Variants in RHBDF2 observed in about 807,000 individuals in gnomAD.
RHBDF2 encodes the protein inactive rhomboid protein 2.
In RHBDF2, 38 loss-of-function variants were observed where a neutral mutation model predicts 95.2. The ratio of observed to expected loss-of-function variants is 0.40; its 90% CI spans 0.31 to 0.52. The LOEUF (loss-of-function observed/expected upper bound fraction) is 0.52, where lower values mean the gene tolerates loss of function less well. RHBDF2 is among the 20% of genes least tolerant of loss of function. The pLI is 0.56. For synonymous variants in RHBDF2, 442 were observed against 462.0 expected, an observed-to-expected ratio of 0.96 and a Z score of 0.55; for missense variants, 863 against 1,137.7, an observed-to-expected ratio of 0.76 and a Z score of 3.47.
chr17:76,480,945 A>C (rs935300118), intron 3 of RHBDF2, among the ~76,000 whole-genome samples: 2 of 152,170 alleles, frequency 1.3e-5, no homozygotes, highest in Non-Finnish European at 2.9e-5. Context: ...TGTCAGAAAC[A>C]CTGATCTGTT....
intron 2 of RHBDF2, among the ~76,000 whole-genome samples, chr17:76,482,221 C>A (rs150304239): frequency 6.6e-6 from 1 of 152,034 alleles, no homozygotes; most frequent in Non-Finnish European, 1.5e-5. Context: ...AGGCCAGGGA[C>A]GGTGGCTCAC....
At chr17:76,473,494 A>G (rs185490799) in intron 15 of RHBDF2, among the ~76,000 whole-genome samples, 154 bp downstream of exon 15, 1 of 152,348 alleles carries the variant, frequency 6.6e-6, no homozygotes, top group Non-Finnish European at 1.5e-5. Context: ...AGCTCGCACC[A>G]TGGGTAGCCC....
At chr17:76,477,351 C>G in intron 7 of RHBDF2, 53 bp from the exon 8 acceptor site, 1 of 1,573,408 alleles carries the variant, frequency 6.4e-7, no homozygotes, top group Admixed American at 2.0e-5. Context: ...CAAACACTGC[C>G]CCCCGGAACC....
In RHBDF2 at chr17:76,474,435, A is replaced by G; in HGVS notation, c.1402T>C (p.Ser468Pro). The change falls in exon 12 of 19, where the codon TCA becomes CCA. Residue 468 changes from serine to proline, a missense_variant. Transcript: ENST00000675367. Reference protein sequence around the residue: ...VLRERDLERDSGCCVQNDHSG... With the variant: ...VLRERDLERDPGCCVQNDHSG... ...TGGTCATTCTGGACACAGCAGCCTG[A>G]GTCCCGCTCCAGGTCTCGCTCGCGC... is the stretch of plus-strand genomic sequence containing the variant. 1 of 1,613,978 alleles carries G rather than the reference A, an allele frequency of 6.2e-7. No individual in the cohort carries two copies. The highest frequency in any genetic ancestry group is 8.5e-7 in the Non-Finnish European group (1 of 1,179,954).
chr17:76,482,315 C>T (rs1202020910), intron 2 of RHBDF2, among the ~76,000 whole-genome samples: 3 of 151,790 alleles, frequency 2.0e-5, no homozygotes, highest in Non-Finnish European at 4.4e-5. Flanking sequence ...CCCAAGGCCA[C>T]CCAGTTTATT....
rs1392478937 is a variant in RHBDF2 at position 76,487,839 on chromosome 17, G to C, written c.-149C>G. On this transcript the variant is annotated 5_prime_UTR_variant, in exon 2 of 19. Transcript: ENST00000675367. ...GCCTCAGTCTGTGGAAGGGTGGCTG[G>C]ACAGACAGGTGGCTGGAAGGACAGA... The C allele has an allele frequency of 6.6e-6, 1 of 152,342 alleles. No homozygotes were observed. Among genetic ancestry groups the C allele is most frequent in the Non-Finnish European group, 1.5e-5 (1 of 68,190 alleles). 9.4% of individuals were successfully genotyped at this position (152,342 alleles called of 1,614,324 possible).
Position 76,478,917 on chromosome 17 carries a change from G to T in RHBDF2, c.561C>A (p.Val187=), listed in dbSNP as rs764411562. Reference sequence around the variant, plus strand: ...CACTGGTGAAGGAGGTGAGGGACAGGACTCCGGGGGTCAGCGGTGGGTGCG... The same window carrying T: ...CACTGGTGAAGGAGGTGAGGGACAGTACTCCGGGGGTCAGCGGTGGGTGCG... ...HAPHPPLTPG[V]LSLTSFTSVR... is the part of the protein sequence containing the mutation. The change falls in exon 6 of 19, where the codon GTC becomes GTA. Residue 187 remains valine, a synonymous_variant. Transcript: ENST00000675367. The T allele has an allele frequency of 1.7e-5, 28 of 1,608,450 alleles. No individual in the cohort carries two copies. Among genetic ancestry groups the T allele is most frequent in the Non-Finnish European group, 2.4e-5 (28 of 1,177,074 alleles).
Position 76,472,838 on chromosome 17 carries a change from C to A in RHBDF2, c.1912G>T (p.Val638Leu). The part of the protein sequence containing the change: ...LWLSLFLHAG[V>L]VHCLVSVVFQ... ...ACCACAGACACGAGGCAGTGCACCA[C>A]GCTGGGGGAGGGACACACCAGGCAG... The change falls in exon 18 of 19, where the codon GTG (valine) becomes TTG (leucine). Residue 638 changes from valine (V) to leucine (L), a missense_variant and splice_region_variant. Coordinates refer to ENST00000675367, the MANE Select transcript of RHBDF2 (RefSeq NM_001005498.4). The A allele has an allele frequency of 6.3e-7, 1 of 1,588,418 alleles. No homozygotes were observed. Among genetic ancestry groups the A allele is most frequent in the Non-Finnish European group, 8.6e-7 (1 of 1,166,936 alleles).
At chr17:76,475,195 T>A in intron 9 of RHBDF2, 54 bp from the exon 10 acceptor site, 2 of 1,362,534 alleles carry the variant, frequency 1.5e-6, no homozygotes, top group Non-Finnish European at 2.1e-6. Context: ...CAACCCCCAG[T>A]CCCGGCCACA....
At chr17:76,494,635 C>T (rs1444439498) in intron 1 of RHBDF2, among the ~76,000 whole-genome samples, 1 of 152,048 alleles carries the variant, frequency 6.6e-6, no homozygotes, top group Non-Finnish European at 1.5e-5. Context: ...GCCTGTAATC[C>T]CAGCTACTGA....
chr17:76,481,012 C>T (rs1231232253), intron 3 of RHBDF2, among the ~76,000 whole-genome samples: 1 of 152,210 alleles, frequency 6.6e-6, no homozygotes, highest in Non-Finnish European at 1.5e-5. Context: ...GCCAGGGAGA[C>T]ACTGTCCCCT....
chr17:76,473,522 G>A lies in RHBDF2; in HGVS notation c.1733+126C>T, dbSNP rs1017659800. On this transcript the variant is annotated intron_variant, in intron 15 of 18. Transcript: ENST00000675367. ...GGTAGCCCCAGAGCAGGGGAGCAAA[G>A]GACAGTTATTGGAGGGCATCGGCCC... 5.1e-5 allele frequency: 50 copies of A among 979,590 alleles called. No individual in the cohort carries two copies. The African/African-American group carries it at 6.9e-4, about 14-fold the overall frequency. The allele number at this position is 979,590 out of a possible 1,614,324, so 60.7% of individuals were successfully genotyped here. A position where few individuals can be genotyped will look rare whatever the true frequency, so the allele number is the denominator to read the frequency against.
At chr17:76,492,590 C>T (rs1406851412) in intron 1 of RHBDF2, among the ~76,000 whole-genome samples, 8 of 152,350 alleles carry the variant, frequency 5.3e-5, no homozygotes, top group African/African-American at 1.4e-4. Context: ...CACGCGGGCC[C>T]AGCCCACTGC....
At chr17:76,493,356 C>T (rs1316802105) in intron 1 of RHBDF2, among the ~76,000 whole-genome samples, 3 of 152,160 alleles carry the variant, frequency 2.0e-5, no homozygotes, top group Non-Finnish European at 4.4e-5. Context: ...CCCCAGAGGC[C>T]CGGAAGGACA....
At position 76,477,096 on chromosome 17, in the gene RHBDF2, A is replaced by G. The variant is rs1320804623; in HGVS notation, c.921-72T>C. On this transcript the variant is annotated intron_variant, in intron 8 of 18. Transcript: ENST00000675367. The stretch of plus-strand genomic sequence containing the variant: ...CCCAGACCCCACCAGGGTGCTCAGA[A>G]GGGGCTTGGGGGCCAGGGTGAGGTC... The G allele has an allele frequency of 3.7e-6, 6 of 1,610,882 alleles. No homozygotes were observed. In the East Asian group the frequency reaches 1.1e-4, roughly 30 times the overall value.
At chr17:76,498,789 AGTGTGTGTGTGTGTGT>A (rs60130089) in intron 1 of RHBDF2, among the ~76,000 whole-genome samples, 1 of 143,662 alleles carries the variant, frequency 7.0e-6, no homozygotes, top group African/African-American at 2.5e-5. Context: ...AGAGAAAGAG[AGTGTGTGTGTGTGTGT>A]GTGTGTGTGT....
At chr17:76,483,623 A>G (rs933925829) in intron 2 of RHBDF2, among the ~76,000 whole-genome samples, 4 of 152,202 alleles carry the variant, frequency 2.6e-5, no homozygotes, top group East Asian at 1.9e-4. Context: ...CAAAGATTTC[A>G]TAAGTGGAAT....
rs757808529 is a variant in RHBDF2 at position 76,479,779 on chromosome 17, G to A, written c.226C>T (p.Arg76Cys). The A allele has an allele frequency of 2.3e-5, 37 of 1,613,060 alleles. No homozygotes were observed. Among genetic ancestry groups the A allele is most frequent in the African/African-American group, 9.4e-5 (7 of 74,796 alleles). Residue 76 changes from arginine (R) to cysteine (C), a missense_variant, in exon 4 of 19, where the codon CGC becomes TGC. Transcript: ENST00000675367. ...GAGGCCTGGCGGCGGAAGCCAGGGC[G>A]CTTCTCTGAACTCTCCTGCCATCGG... is the stretch of plus-strand genomic sequence containing the variant. ...RSRWQESSEK[R>C]PGFRRQASLS... is the part of the protein sequence containing the mutation.
intron 1 of RHBDF2, among the ~76,000 whole-genome samples, chr17:76,498,842 GTGTT>G (rs1186735374): frequency 6.6e-6 from 1 of 151,122 alleles, no homozygotes; most frequent in African/African-American, 2.4e-5. Flanking sequence ...GTGTGTCTGT[GTGTT>G]TGTGTGTGTC....
Sources: gnomAD v4.1 joint callset for allele counts (sites outside exome capture counted in the v4.1 genomes callset) on GRCh38, gnomAD v4.1.1 for gene constraint, MANE v1.5 for transcripts, NCBI Gene and HGNC (gene_info 2026-07-23, HGNC 2026-07-21) for gene names.